Variants in GRIA2 observed in about 807,000 individuals in gnomAD.
GRIA2 encodes glutamate ionotropic receptor AMPA type subunit 2.
GRIA2 carries 14 observed loss-of-function variants against 97.3 expected under a neutral mutation model. That is an observed-to-expected ratio of 0.14 (90% confidence interval 0.10 to 0.23). GRIA2 has a LOEUF of 0.23. GRIA2 is among the 10% of genes least tolerant of loss of function. The probability of loss-of-function intolerance (pLI) is 1.00; values close to 1 mark genes in which losing one functional copy is unlikely to be tolerated. For synonymous variants in GRIA2, 412 were observed against 387.8 expected (o/e 1.06, Z -0.73); for missense variants, 558 against 1,069.8 (o/e 0.52, Z 6.67).
intron 6 of GRIA2, among the ~76,000 whole-genome samples, chr4:157,329,464 G>A (rs116498118): frequency 0.015 from 2,208 of 151,992 alleles, 56 homozygotes; most frequent in African/African-American, 0.049. Flanking sequence ...AATAATTGAT[G>A]TTAAAGAAAT....
intron 6 of GRIA2, among the ~76,000 whole-genome samples, chr4:157,330,580 A>T (rs1189598144): frequency 6.6e-6 from 1 of 151,900 alleles, no homozygotes; most frequent in African/African-American, 2.4e-5. Context: ...GTTTTCTGGT[A>T]TCAGAGATCA....
At chr4:157,240,924 T>C (rs1471678476) in intron 2 of GRIA2, among the ~76,000 whole-genome samples, 2 of 151,766 alleles carry the variant, frequency 1.3e-5, no homozygotes, top group African/African-American at 4.8e-5. Context: ...GTGATCTCAT[T>C]GTTCAGTTCC....
rs60735998 is a variant in GRIA2 at position 157,255,923 on chromosome 4, C to T, written c.229+34116C>T. Among the ~76,000 whole-genome samples the T allele has an allele frequency of 6.5e-3, 983 of 151,238 alleles. 8 individuals are homozygous for T. The highest frequency in any genetic ancestry group is 0.021 in the African/African-American group (883 of 41,258). Reference sequence around the variant, plus strand: ...TGAAAAAATGCTTAACATTGCTAAGCATCAGATAAATGCAAAATAAAACGT... The same window carrying T: ...TGAAAAAATGCTTAACATTGCTAAGTATCAGATAAATGCAAAATAAAACGT... On this transcript the variant is annotated intron_variant, in intron 2 of 15. Coordinates refer to ENST00000264426, the MANE Select transcript of GRIA2 (RefSeq NM_001083619.3).
chr4:157,269,491 G>A (rs1434299011), intron 2 of GRIA2, among the ~76,000 whole-genome samples: 1 of 152,042 alleles, frequency 6.6e-6, no homozygotes, highest in Admixed American at 6.6e-5. Context: ...GCTTAGGTAG[G>A]TAACTTGGCC....
At chr4:157,295,070 A>G (rs1733282095) in intron 2 of GRIA2, among the ~76,000 whole-genome samples, 1 of 152,178 alleles carries the variant, frequency 6.6e-6, no homozygotes, top group African/African-American at 2.4e-5. Flanking sequence ...ATTGCCTATT[A>G]CTGCTGGTTC....
chr4:157,228,522 G>A (rs1004415403), intron 2 of GRIA2, among the ~76,000 whole-genome samples: 2 of 152,182 alleles, frequency 1.3e-5, no homozygotes, highest in African/African-American at 4.8e-5. Flanking sequence ...GCCAGGCTCA[G>A]TGGCTCATGC....
Position 157,361,182 on chromosome 4 carries a change from C to A in GRIA2, c.2406+58C>A. The A allele has an allele frequency of 7.5e-7, 1 of 1,338,086 alleles. No individual in the cohort carries two copies. Among genetic ancestry groups the A allele is most frequent in the Non-Finnish European group, 1.1e-6 (1 of 932,638 alleles). The allele number at this position is 1,338,086 out of a possible 1,614,324, so 82.9% of individuals were successfully genotyped here. Reference sequence around the variant, plus strand: ...CAATGCAAAACAAAGTAAGCAGCAGCTATGCACAGTGTGGGCACTCCGTGC... The same window carrying A: ...CAATGCAAAACAAAGTAAGCAGCAGATATGCACAGTGTGGGCACTCCGTGC... On this transcript the variant is annotated intron_variant, in intron 14 of 15. Coordinates refer to ENST00000264426, the MANE Select transcript of GRIA2 (RefSeq NM_001083619.3). The surrounding 1 kb of genome is among the most constrained non-coding windows in gnomAD (Gnocchi z 5.2).
chr4:157,226,487 G>T (rs1729752821), intron 2 of GRIA2, among the ~76,000 whole-genome samples: 1 of 151,996 alleles, frequency 6.6e-6, no homozygotes, highest in African/African-American at 2.4e-5. Flanking sequence ...AGAGGAGAGA[G>T]AATTCTAAAA....
At chr4:157,295,178 G>A (rs1012063073) in intron 2 of GRIA2, among the ~76,000 whole-genome samples, 3 of 151,928 alleles carry the variant, frequency 2.0e-5, no homozygotes, top group Admixed American at 6.6e-5. Flanking sequence ...ATAAACTTTC[G>A]CCATTTTACC....
Position 157,360,083 on chromosome 4 carries a change from T to C in GRIA2, c.2231T>C (p.Val744Ala). The change falls in exon 13 of 16, where the codon GTT (valine) becomes GCT (alanine). Residue 744 changes from valine (V) to alanine (A), a missense_variant. Val to Ala is a moderately conservative substitution (Grantham distance 64). Coordinates refer to ENST00000264426, the MANE Select transcript of GRIA2 (RefSeq NM_001083619.3). ...EQRKPCDTMK[V>A]GGNLDSKGYG... is the part of the protein sequence containing the mutation. ...AGGAAGCCTTGCGACACCATGAAAG[T>C]TGGTGGAAACCTGGATTCCAAAGGC... 1 of 1,613,864 alleles carries C rather than the reference T, an allele frequency of 6.2e-7. No homozygotes were observed. The highest frequency in any genetic ancestry group is 8.5e-7 in the Non-Finnish European group (1 of 1,179,878).
intron 2 of GRIA2, among the ~76,000 whole-genome samples, chr4:157,295,823 C>T (rs1365724633): frequency 6.6e-6 from 1 of 152,094 alleles, no homozygotes. Flanking sequence ...CCTAACATTA[C>T]ATGCACTATC....
At chr4:157,230,844 C>CTTTTA (rs918407872) in intron 2 of GRIA2, among the ~76,000 whole-genome samples, 44 of 151,256 alleles carry the variant, frequency 2.9e-4, no homozygotes, top group East Asian at 2.1e-3. Flanking sequence ...ATTTTTTTTC[C>CTTTTA]TTTTATTTTA....
chr4:157,324,338 G>A (rs982358802), intron 6 of GRIA2, among the ~76,000 whole-genome samples: 1 of 152,100 alleles, frequency 6.6e-6, no homozygotes, highest in Non-Finnish European at 1.5e-5. Context: ...TGTACTAGAA[G>A]GCCAGAAACT....
chr4:157,313,688 T>C (rs1220192306), intron 4 of GRIA2, among the ~76,000 whole-genome samples: 5 of 151,988 alleles, frequency 3.3e-5, no homozygotes, highest in South Asian at 2.1e-4. Context: ...TTTACTGATA[T>C]CTGCATCTCT....
At position 157,248,606 on chromosome 4, in the gene GRIA2, T is replaced by C. The variant is rs546575469; in HGVS notation, c.229+26799T>C. On this transcript the variant is annotated intron_variant, in intron 2 of 15. Coordinates refer to ENST00000264426, the MANE Select transcript of GRIA2 (RefSeq NM_001083619.3). ...ACGTGTATATATGTATATATATGTATATATACATGTATATATACGTATATA... is the reference window on the plus strand; with the variant it reads ...ACGTGTATATATGTATATATATGTACATATACATGTATATATACGTATATA... Among the ~76,000 whole-genome samples the C allele has an allele frequency of 1.2e-3, 167 of 141,846 alleles. 2 individuals are homozygous for C. Among genetic ancestry groups the C allele is most frequent in the African/African-American group, 4.1e-3 (158 of 38,704 alleles). The allele number at this position is 141,846 out of a possible 152,430, so 93.1% of individuals were successfully genotyped here. A position where few individuals can be genotyped will look rare whatever the true frequency, so the allele number is the denominator to read the frequency against.
At chr4:157,313,550 G>A (rs1734178637) in intron 4 of GRIA2, among the ~76,000 whole-genome samples, 1 of 152,022 alleles carries the variant, frequency 6.6e-6, no homozygotes, top group Admixed American at 6.6e-5. Flanking sequence ...AGGTCTTTCA[G>A]GGTAGGGGAG....
intron 2 of GRIA2, among the ~76,000 whole-genome samples, chr4:157,273,604 G>A (rs1054165879): frequency 3.9e-5 from 6 of 152,002 alleles, no homozygotes; most frequent in Non-Finnish European, 5.9e-5. Flanking sequence ...ACCTTGAAAG[G>A]CTTGTTAATA....
intron 6 of GRIA2, among the ~76,000 whole-genome samples, chr4:157,325,654 C>T (rs1228485532): frequency 2.0e-5 from 3 of 152,186 alleles, no homozygotes; most frequent in African/African-American, 4.8e-5. Flanking sequence ...ATTCCTTCAG[C>T]GGTCTTTCTT....
chr4:157,244,667 G>A (rs373999379), intron 2 of GRIA2, among the ~76,000 whole-genome samples: 1 of 151,980 alleles, frequency 6.6e-6, no homozygotes, highest in African/African-American at 2.4e-5. Context: ...ACTGATACTA[G>A]AGTTATTACT....
Sources: allele counts gnomAD v4.1 joint callset (sites outside exome capture counted in the v4.1 genomes callset), GRCh38; gene constraint gnomAD v4.1.1; non-coding constraint Gnocchi (gnomAD v3.1); transcripts MANE v1.5; gene names NCBI Gene and HGNC (gene_info 2026-07-23, HGNC 2026-07-21).